RBM33: variants seen among roughly 807,000 people sequenced by gnomAD.
The protein encoded by RBM33 is RNA-binding protein 33.
In RBM33, 28 loss-of-function variants were observed where a neutral mutation model predicts 132.6. The observed-to-expected ratio is 0.21, with a 90% CI of 0.16 to 0.29. RBM33 has a LOEUF of 0.29. Ranked by LOEUF, RBM33 falls within the 10% of genes least tolerant of loss-of-function variation. The probability of loss-of-function intolerance (pLI) is 1.00; values close to 1 mark genes in which losing one functional copy is unlikely to be tolerated. For synonymous variants in RBM33, 634 were observed against 593.0 expected (o/e 1.07, Z -1.01); for missense variants, 1,291 against 1,518.5 (o/e 0.85, Z 2.49).
At chr7:155,722,886 A>C (rs1416599922) in intron 9 of RBM33, among the ~76,000 whole-genome samples, 2 of 152,232 alleles carry the variant, frequency 1.3e-5, no homozygotes, top group Non-Finnish European at 2.9e-5. Flanking sequence ...TTTCGGGCAA[A>C]TAGTGATATT....
rs778383833 is a variant in RBM33 at position 155,766,556 on chromosome 7, G to T, written c.3276G>T (p.Glu1092Asp). The T allele has an allele frequency of 6.2e-7, 1 of 1,613,638 alleles. No individual in the cohort carries two copies. The highest frequency in any genetic ancestry group is 8.5e-7 in the Non-Finnish European group (1 of 1,179,798). The change falls in exon 16 of 18, where the codon GAG (glutamate) becomes GAT (aspartate). Residue 1092 changes from glutamate to aspartate, a missense_variant. This residue lies in a region of RBM33 where 55 missense variants were observed against 101.4 expected (regional missense o/e 0.54). Coordinates refer to ENST00000401878, the MANE Select transcript of RBM33 (RefSeq NM_053043.3). Reference sequence around the variant, plus strand: ...ACAAGCAGAACCTGCGGGTGGTGGAGTGCAAGCCCCAGCCCTGCGTGGTGT... The same window carrying T: ...ACAAGCAGAACCTGCGGGTGGTGGATTGCAAGCCCCAGCCCTGCGTGGTGT... ...MPNKQNLRVV[E>D]CKPQPCVVSV...
intron 7 of RBM33, among the ~76,000 whole-genome samples, chr7:155,707,631 CAA>C (rs1800153481): frequency 6.6e-6 from 1 of 152,036 alleles, no homozygotes; most frequent in African/African-American, 2.4e-5. Flanking sequence ...ATCTCAGAAA[CAA>C]AGACAGAAAT....
intron 9 of RBM33, among the ~76,000 whole-genome samples, chr7:155,726,236 AT>A (rs1800791475): frequency 6.6e-6 from 1 of 152,218 alleles, no homozygotes; most frequent in Non-Finnish European, 1.5e-5. Context: ...AATTAGTCTT[AT>A]TAAAATATAC....
At chr7:155,738,606 T>C (rs1801210474) in intron 11 of RBM33, 1 of 588,166 alleles carries the variant, frequency 1.7e-6, no homozygotes. Flanking sequence ...TGGGAAAATG[T>C]CATTTTTTGG....
chr7:155,714,623 C>T (rs899956255), intron 8 of RBM33, among the ~76,000 whole-genome samples: 2 of 152,174 alleles, frequency 1.3e-5, no homozygotes, highest in African/African-American at 4.8e-5. Flanking sequence ...CCTTCTACCT[C>T]CAGACCTTTG....
chr7:155,681,303 C>T (rs908128148), intron 5 of RBM33, among the ~76,000 whole-genome samples: 2 of 152,312 alleles, frequency 1.3e-5, no homozygotes, highest in African/African-American at 4.8e-5. Flanking sequence ...CTTTAAGGTG[C>T]TAATATTCCA....
intron 3 of RBM33, among the ~76,000 whole-genome samples, chr7:155,675,731 T>C (rs1799166366): frequency 6.6e-6 from 1 of 152,224 alleles, no homozygotes; most frequent in Non-Finnish European, 1.5e-5. Flanking sequence ...GGGATTTTTT[T>C]CTTAGGAAGT....
chr7:155,766,711 C>A (rs1448121897), intron 16 of RBM33, 56 bp downstream of exon 16: 3 of 1,516,452 alleles, frequency 2.0e-6, no homozygotes, highest in African/African-American at 1.4e-5. Flanking sequence ...AAGACAAAAT[C>A]ATTTCTTGAT....
At position 155,727,295 on chromosome 7, in the gene RBM33, C is replaced by T. The variant is rs143546706; in HGVS notation, c.1260+8852C>T. On this transcript the variant is annotated intron_variant, in intron 9 of 17. Transcript: ENST00000401878. ...ACCCATCCCCCAGCTGACAACTGCT[C>T]CTGTTGGCCAGAGTCTAGCCAAATG... Among the ~76,000 whole-genome samples, 9 of 152,198 alleles carry T rather than the reference C, an allele frequency of 5.9e-5. No homozygotes were observed. The East Asian group carries it at 1.5e-3, about 26-fold the overall frequency.
At chr7:155,683,825 T>G (rs568375812) in intron 5 of RBM33, among the ~76,000 whole-genome samples, 3 of 152,346 alleles carry the variant, frequency 2.0e-5, no homozygotes, top group East Asian at 3.9e-4. Flanking sequence ...AGATTAAGAT[T>G]TTATTGTTCT....
chr7:155,717,288 T>C (rs1312497890), intron 8 of RBM33, among the ~76,000 whole-genome samples: 2 of 152,162 alleles, frequency 1.3e-5, no homozygotes, highest in Non-Finnish European at 2.9e-5. Flanking sequence ...GCAGGGCAGC[T>C]TCCTTCTGAG....
chr7:155,698,227 C>T (rs745826203), intron 5 of RBM33, among the ~76,000 whole-genome samples: 7 of 152,118 alleles, frequency 4.6e-5, no homozygotes, highest in Admixed American at 1.3e-4. Flanking sequence ...ATTAGCCTGG[C>T]GTGGTGGTGG....
intron 8 of RBM33, 95 bp downstream of exon 8, chr7:155,711,550 G>A (rs577390787): frequency 8.6e-5 from 63 of 735,706 alleles, no homozygotes; most frequent in Non-Finnish European, 1.2e-4. Flanking sequence ...TTGACTTCAT[G>A]AGTGTGTGAA....
chr7:155,729,476 C>T (rs1262686967), intron 9 of RBM33, among the ~76,000 whole-genome samples: 1 of 152,166 alleles, frequency 6.6e-6, no homozygotes, highest in Non-Finnish European at 1.5e-5. Context: ...GTGACTCACA[C>T]CTGTAAACCC....
At chr7:155,760,164 G>A (rs148066738) in intron 14 of RBM33, among the ~76,000 whole-genome samples, 8 of 152,240 alleles carry the variant, frequency 5.3e-5, no homozygotes, top group Non-Finnish European at 1.0e-4. Context: ...GAGACATTTT[G>A]GTAAGCTGAA....
At chr7:155,764,071 G>T in intron 15 of RBM33, 53 bp downstream of exon 15, 1 of 1,386,162 alleles carries the variant, frequency 7.2e-7, no homozygotes, top group East Asian at 2.5e-5. Context: ...CCGGTGTGAG[G>T]CAGTGTTCAG....
At position 155,647,059 on chromosome 7, in the gene RBM33, A is replaced by G. The variant is rs192817694; in HGVS notation, c.43+2140A>G. Among the ~76,000 whole-genome samples, 6 of 152,360 alleles carry G rather than the reference A, an allele frequency of 3.9e-5. No homozygotes were observed. The East Asian group carries it at 7.7e-4, about 20-fold the overall frequency. On this transcript the variant is annotated intron_variant, in intron 1 of 17. Transcript: ENST00000401878. ...TTGGTAATACCTTATTGAGCTATCG[A>G]TAGCTTATTTGGCAGCTCAGTTTAG...
intron 16 of RBM33, among the ~76,000 whole-genome samples, chr7:155,767,857 C>T (rs1301363152): frequency 6.6e-6 from 1 of 152,200 alleles, no homozygotes; most frequent in Non-Finnish European, 1.5e-5. Context: ...TGCAGGAACA[C>T]GGTAGACACT....
In RBM33 at chr7:155,737,793, A is replaced by AG. The variant is rs375666247; in HGVS notation, c.1393+132dup. The AG allele has an allele frequency of 1.9e-5, 20 of 1,080,186 alleles. No individual in the cohort carries two copies. In the African/African-American group the frequency reaches 2.7e-4, roughly 15 times the overall value. The allele number at this position is 1,080,186 out of a possible 1,614,324, so 66.9% of individuals were successfully genotyped here. A position where few individuals can be genotyped will look rare whatever the true frequency, so the allele number is the denominator to read the frequency against. The stretch of plus-strand genomic sequence containing the variant: ...TAGGAATGCCAGGTTTTTGTACCAT[A>AG]GCAGTTCTGCCTGTCATTTCAGGTG... On this transcript the variant is annotated intron_variant, in intron 10 of 17. Coordinates refer to ENST00000401878, the MANE Select transcript of RBM33 (RefSeq NM_053043.3).
Sources: gnomAD v4.1 joint callset for allele counts (sites outside exome capture counted in the v4.1 genomes callset) on GRCh38, gnomAD v4.1.1 for gene constraint, gnomAD v4.1.1 regional missense constraint, MANE v1.5 for transcripts, NCBI Gene and HGNC (gene_info 2026-07-23, HGNC 2026-07-21) for gene names.